Variants in RASA2 observed in about 807,000 individuals in gnomAD.
RASA2 encodes the protein ras GTPase-activating protein 2.
Under a neutral mutation model 118.2 loss-of-function variants are expected in RASA2, and 155 were observed. That is an observed-to-expected ratio of 1.31 (90% confidence interval 1.15 to 1.50). RASA2 has a LOEUF of 1.50. Ranked by LOEUF, RASA2 falls within the 40% of genes most tolerant of loss-of-function variation. RASA2 has a pLI of 0.00. For missense variants in RASA2, 1,016 were observed against 1,009.6 expected (o/e 1.01, Z -0.09); for synonymous variants, 353 against 349.1 (o/e 1.01, Z -0.12).
At chr3:141,497,486 T>TC (rs1320861256) in intron 1 of RASA2, among the ~76,000 whole-genome samples, 1 of 152,148 alleles carries the variant, frequency 6.6e-6, no homozygotes, top group African/African-American at 2.4e-5. Context: ...TGGAAGACTA[T>TC]CCTATCTGCA....
At position 141,612,446 on chromosome 3, in the gene RASA2, A is replaced by C; in HGVS notation, c.*133A>C. 6 of 639,258 alleles carry C rather than the reference A, an allele frequency of 9.4e-6. No homozygotes were observed. In the South Asian group the frequency reaches 1.5e-4, roughly 16 times the overall value. The allele number at this position is 639,258 out of a possible 1,614,324, so 39.6% of individuals were successfully genotyped here. ...TGTCATCTGCCTCCACATTGTATTT[A>C]ATATTTAATAATTGAAATTAATTGT... is the stretch of plus-strand genomic sequence containing the variant. On this transcript the variant is annotated 3_prime_UTR_variant, in exon 24 of 24. Coordinates refer to ENST00000286364, the MANE Select transcript of RASA2 (RefSeq NM_006506.5).
chr3:141,531,356 A>G (rs1460532350), intron 4 of RASA2, among the ~76,000 whole-genome samples: 1 of 151,860 alleles, frequency 6.6e-6, no homozygotes, highest in East Asian at 1.9e-4. Context: ...ATTCTTGTAG[A>G]TGGTACTAAA....
chr3:141,538,605 A>G lies in RASA2; in HGVS notation c.451-1928A>G, dbSNP rs903264234. On this transcript the variant is annotated intron_variant, in intron 4 of 23. Coordinates refer to ENST00000286364, the MANE Select transcript of RASA2 (RefSeq NM_006506.5). ...AAAGTATATAATGAGTTAGTGTTTT[A>G]CAGTTTAGAAATTATAATTTCCTTA... 5.9e-5 allele frequency among the ~76,000 whole-genome samples: 9 copies of G among 152,278 alleles called. No homozygotes were observed. In the South Asian group the frequency reaches 1.2e-3, roughly 21 times the overall value.
At chr3:141,610,931 C>T (rs1220167524) in intron 23 of RASA2, among the ~76,000 whole-genome samples, 2 of 152,122 alleles carry the variant, frequency 1.3e-5, no homozygotes, top group South Asian at 2.1e-4. Context: ...AAAAATTAAG[C>T]TGTAAAAGTG....
chr3:141,579,752 A>G (rs574959717), intron 15 of RASA2, among the ~76,000 whole-genome samples: 80 of 152,170 alleles, frequency 5.3e-4, no homozygotes, highest in Admixed American at 8.5e-4. Context: ...TATATATAAT[A>G]TTGATAAAAT....
rs2082937626 is a variant in RASA2, at chr3:141,572,338, TG to T, written c.1170-270del. Among the ~76,000 whole-genome samples the T allele has an allele frequency of 2.6e-5, 4 of 152,064 alleles. No individual in the cohort carries two copies. In the South Asian group the frequency reaches 8.3e-4, roughly 32 times the overall value. On this transcript the variant is annotated intron_variant, in intron 11 of 23. Coordinates refer to ENST00000286364, the MANE Select transcript of RASA2 (RefSeq NM_006506.5). ...CACTCCTGACTTCAAGCGATCCACC[TG>T]CTTCGGACCCCCAAAGTGATGGGAT... is the stretch of plus-strand genomic sequence containing the variant.
In RASA2 at chr3:141,615,307, G is replaced by A. The variant is rs1012640672; in HGVS notation, c.*2994G>A. The A allele has an allele frequency of 2.6e-5, 4 of 151,576 alleles. No homozygotes were observed. The highest frequency in any genetic ancestry group is 4.8e-5 in the African/African-American group (2 of 41,262). 9.4% of individuals were successfully genotyped at this position (151,576 alleles called of 1,614,324 possible). A position where few individuals can be genotyped will look rare whatever the true frequency, so the allele number is the denominator to read the frequency against. ...ATAAAAATTAACTTTTGTAACTGTC[G>A]CTTGGAAATAACTCAAATAAATTAC... On this transcript the variant is annotated 3_prime_UTR_variant, in exon 24 of 24. Coordinates refer to ENST00000286364, the MANE Select transcript of RASA2 (RefSeq NM_006506.5).
chr3:141,571,413 C>G lies in RASA2; in HGVS notation c.1028C>G (p.Ser343Cys). ...LLKSPDVQPI[S>C]ASAAYILSEI... ...CTACCTTTCTGTATTTAGCCAATAT[C>G]TGCCTCAGCTGCTTACATTTTGAGT... The change falls in exon 11 of 24, where the codon TCT becomes TGT. Residue 343 changes from serine to cysteine, a missense_variant. Ser to Cys is a moderately radical substitution (Grantham distance 112, BLOSUM62 -1). This residue lies in a region of RASA2 where 896 missense variants were observed against 836.4 expected (regional missense o/e 1.07). Transcript: ENST00000286364. 6.2e-7 allele frequency: 1 copy of G among 1,612,220 alleles called. No individual in the cohort carries two copies. Among genetic ancestry groups the G allele is most frequent in the Non-Finnish European group, 8.5e-7 (1 of 1,179,466 alleles).
At chr3:141,503,354 T>C (rs1032055442) in intron 1 of RASA2, among the ~76,000 whole-genome samples, 3 of 152,186 alleles carry the variant, frequency 2.0e-5, no homozygotes, top group Admixed American at 6.5e-5. Context: ...TAGCCTGATA[T>C]TGGAATTTTT....
At position 141,555,881 on chromosome 3, in the gene RASA2, A is replaced by G. The variant is rs773355359; in HGVS notation, c.653A>G (p.Asn218Ser). 1.2e-6 allele frequency: 2 copies of G among 1,612,264 alleles called. No homozygotes were observed. Among genetic ancestry groups the G allele is most frequent in the Non-Finnish European group, 1.7e-6 (2 of 1,179,138 alleles). ...KKTKVKKKTSNPQFNEIFYFE... is the reference protein window; with the variant it reads ...KKTKVKKKTSSPQFNEIFYFE... ...ACAAAAGTAAAGAAGAAAACAAGCA[A>G]TCCGCAGTTTAATGAAATCTTTTAT... The change falls in exon 7 of 24, where the codon AAT (asparagine) becomes AGT (serine). Residue 218 changes from asparagine to serine, a missense_variant. Coordinates refer to ENST00000286364, the MANE Select transcript of RASA2 (RefSeq NM_006506.5).
chr3:141,494,955 G>A (rs948778033), intron 1 of RASA2, among the ~76,000 whole-genome samples: 19 of 152,178 alleles, frequency 1.2e-4, no homozygotes, highest in African/African-American at 4.3e-4. Flanking sequence ...GCAGTCAGTT[G>A]TAAGTTTCAT....
intron 15 of RASA2, 72 bp from the exon 16 acceptor site, chr3:141,580,296 C>T: frequency 2.6e-6 from 3 of 1,167,086 alleles, no homozygotes; most frequent in Admixed American, 2.1e-5. Flanking sequence ...AGTCCATTTA[C>T]TCTATTCTAC....
chr3:141,569,149 A>G (rs79523727), intron 9 of RASA2, among the ~76,000 whole-genome samples: 22 of 152,322 alleles, frequency 1.4e-4, no homozygotes, highest in Admixed American at 9.2e-4. Flanking sequence ...TTTTAAAATA[A>G]TGAATTATTG....
At position 141,512,266 on chromosome 3, in the gene RASA2, G is replaced by A; in HGVS notation, c.237G>A (p.Val79=). 6.3e-7 allele frequency: 1 copy of A among 1,576,278 alleles called. No individual in the cohort carries two copies. The highest frequency in any genetic ancestry group is 1.2e-5 in the South Asian group (1 of 84,248). ...DQEEVYRTQV[V]EKSLSPFFSE... is the part of the protein sequence containing the mutation. ...AAGAAGTTTATCGTACCCAAGTTGT[G>A]GAAAAATCTTTAAGGTTGGTAGAAA... is the stretch of plus-strand genomic sequence containing the variant. Residue 79 remains valine, a synonymous_variant, in exon 2 of 24, where the codon GTG becomes GTA. Coordinates refer to ENST00000286364, the MANE Select transcript of RASA2 (RefSeq NM_006506.5).
rs1295038630 is a variant in RASA2, at chr3:141,577,117, A to T, written c.1590+11A>T. 8 of 1,538,180 alleles carry T rather than the reference A, an allele frequency of 5.2e-6. No individual in the cohort carries two copies. The highest frequency in any genetic ancestry group is 7.1e-6 in the Non-Finnish European group (8 of 1,125,014). ...CGACCTCATCATCCAGTAAGTGTTC[A>T]TTCTTCTGAAAGCTTTATTCCATTT... On this transcript the variant is annotated intron_variant, in intron 15 of 23. Coordinates refer to ENST00000286364, the MANE Select transcript of RASA2 (RefSeq NM_006506.5).
chr3:141,592,822 A>G (rs1230864333), intron 19 of RASA2, among the ~76,000 whole-genome samples: 2 of 152,128 alleles, frequency 1.3e-5, no homozygotes, highest in African/African-American at 2.4e-5. Flanking sequence ...TGAGGAAAAA[A>G]AAGAAGTAAA....
intron 1 of RASA2, among the ~76,000 whole-genome samples, chr3:141,492,885 T>C (rs1056517834): frequency 1.3e-5 from 2 of 152,246 alleles, no homozygotes; most frequent in Non-Finnish European, 2.9e-5. Context: ...CCCACTGGAC[T>C]GAAATGGGCC....
chr3:141,591,881 G>A (rs943245237), intron 19 of RASA2, among the ~76,000 whole-genome samples: 8 of 151,338 alleles, frequency 5.3e-5, no homozygotes, highest in African/African-American at 1.9e-4. Context: ...GGGCTCTGCA[G>A]CTTTTTTTTT....
chr3:141,495,930 A>G (rs966519629), intron 1 of RASA2, among the ~76,000 whole-genome samples: 14 of 152,258 alleles, frequency 9.2e-5, no homozygotes, highest in African/African-American at 3.4e-4. Context: ...TTGGGTAAAA[A>G]CAGCAAGTTG....
Sources: allele counts gnomAD v4.1 joint callset (sites outside exome capture counted in the v4.1 genomes callset), GRCh38; gene constraint gnomAD v4.1.1; regional missense constraint gnomAD v4.1.1; transcripts MANE v1.5; gene names NCBI Gene and HGNC (gene_info 2026-07-23, HGNC 2026-07-21).